ETV6: variants seen among roughly 807,000 people sequenced by gnomAD.
ETV6 encodes the protein transcription factor ETV6.
In ETV6, 16 loss-of-function variants were observed where a neutral mutation model predicts 51.1. The observed-to-expected ratio is 0.31, with a 90% CI of 0.21 to 0.48. The LOEUF (loss-of-function observed/expected upper bound fraction) is 0.48, where lower values mean the gene tolerates loss of function less well. ETV6 is among the 20% of genes least tolerant of loss of function. The probability of loss-of-function intolerance (pLI) is 0.99; values close to 1 mark genes in which losing one functional copy is unlikely to be tolerated. For synonymous variants in ETV6, 240 were observed against 224.1 expected (o/e 1.07, Z -0.64); for missense variants, 458 against 594.8 (o/e 0.77, Z 2.39).
At chr12:11,777,840 C>T (rs1945353708) in intron 2 of ETV6, among the ~76,000 whole-genome samples, 1 of 152,022 alleles carries the variant, frequency 6.6e-6, no homozygotes, top group Admixed American at 6.6e-5. Context: ...TCATGCCAGG[C>T]TTTACAGAAG....
chr12:11,651,487 G>C (rs1247412416), intron 1 of ETV6, among the ~76,000 whole-genome samples: 2 of 152,140 alleles, frequency 1.3e-5, no homozygotes, highest in African/African-American at 4.8e-5. Flanking sequence ...GGTGGTTTGG[G>C]CTTCTTTGTT....
intron 2 of ETV6, among the ~76,000 whole-genome samples, chr12:11,767,777 A>G (rs1382065072): frequency 6.6e-6 from 1 of 152,240 alleles, no homozygotes; most frequent in Non-Finnish European, 1.5e-5. Flanking sequence ...TTCATTGTAT[A>G]AGAGCTTGTC....
intron 2 of ETV6, among the ~76,000 whole-genome samples, chr12:11,834,927 G>C (rs1439441608): frequency 6.6e-6 from 1 of 152,162 alleles, no homozygotes; most frequent in Non-Finnish European, 1.5e-5. Flanking sequence ...GGCCTGCCCA[G>C]AATCAAATGT....
At chr12:11,865,843 C>T (rs2136528573) in intron 4 of ETV6, among the ~76,000 whole-genome samples, 1 of 151,480 alleles carries the variant, frequency 6.6e-6, no homozygotes, top group African/African-American at 2.4e-5. Flanking sequence ...CTATGGTGTA[C>T]CTGGGTGTGG....
At chr12:11,867,176 T>C (rs1368473968) in intron 4 of ETV6, among the ~76,000 whole-genome samples, 1 of 152,248 alleles carries the variant, frequency 6.6e-6, no homozygotes, top group South Asian at 2.1e-4. Flanking sequence ...TTCTTTCATT[T>C]CTACCCGTAA....
chr12:11,777,654 G>A (rs749685602), intron 2 of ETV6, among the ~76,000 whole-genome samples: 3 of 152,076 alleles, frequency 2.0e-5, no homozygotes, highest in African/African-American at 7.2e-5. Context: ...TGCACCAGCT[G>A]TACTGGGCCT....
At chr12:11,736,476 C>T (rs1358431381) in intron 1 of ETV6, among the ~76,000 whole-genome samples, 1 of 152,152 alleles carries the variant, frequency 6.6e-6, no homozygotes, top group African/African-American at 2.4e-5. Flanking sequence ...TGATCAGGTA[C>T]AAGAAACGGC....
chr12:11,667,532 A>C (rs200318800), intron 1 of ETV6, among the ~76,000 whole-genome samples: 2 of 8,276 alleles, frequency 2.4e-4, no homozygotes, highest in Admixed American at 4.9e-3. Context: ...CTGGTGGTTT[A>C]TTTTCTTTTT....
chr12:11,783,060 A>G (rs1466311297), intron 2 of ETV6, among the ~76,000 whole-genome samples: 1 of 152,216 alleles, frequency 6.6e-6, no homozygotes, highest in Non-Finnish European at 1.5e-5. Flanking sequence ...AAGCAGTGTC[A>G]GAGAGATGGA....
chr12:11,880,800 T>C (rs1398623192), intron 5 of ETV6, among the ~76,000 whole-genome samples: 5 of 151,752 alleles, frequency 3.3e-5, no homozygotes, highest in Non-Finnish European at 5.9e-5. Flanking sequence ...ATGAACACAC[T>C]AGAAAATCAC....
intron 4 of ETV6, among the ~76,000 whole-genome samples, chr12:11,854,623 T>C (rs1946604437): frequency 6.6e-6 from 1 of 152,242 alleles, no homozygotes; most frequent in Admixed American, 6.5e-5. Flanking sequence ...GCCATCACCC[T>C]TGCCTTCACA....
intron 1 of ETV6, among the ~76,000 whole-genome samples, chr12:11,722,868 C>G (rs1354765295): frequency 6.6e-6 from 1 of 152,212 alleles, no homozygotes; most frequent in African/African-American, 2.4e-5. Flanking sequence ...TGGTGTTCCT[C>G]AGAATCACCT....
chr12:11,689,913 T>C (rs558487848), intron 1 of ETV6, among the ~76,000 whole-genome samples: 1 of 150,794 alleles, frequency 6.6e-6, no homozygotes, highest in Non-Finnish European at 1.5e-5. Context: ...ATCTGCTTAG[T>C]ATAACTTCTA....
intron 2 of ETV6, among the ~76,000 whole-genome samples, chr12:11,812,458 C>G (rs923561954): frequency 6.6e-6 from 1 of 152,194 alleles, no homozygotes; most frequent in African/African-American, 2.4e-5. Flanking sequence ...CACTCCTCCC[C>G]CTGTGCTCAC....
At chr12:11,866,205 T>C (rs1467499537) in intron 4 of ETV6, among the ~76,000 whole-genome samples, 1 of 152,214 alleles carries the variant, frequency 6.6e-6, no homozygotes, top group Non-Finnish European at 1.5e-5. Context: ...TGCCTTTTTT[T>C]TTAATTCCAT....
At chr12:11,708,853 G>T (rs1263608702) in intron 1 of ETV6, among the ~76,000 whole-genome samples, 1 of 152,202 alleles carries the variant, frequency 6.6e-6, no homozygotes, top group African/African-American at 2.4e-5. Flanking sequence ...CTCAGACCCT[G>T]TGGGAGAGTA....
intron 4 of ETV6, among the ~76,000 whole-genome samples, chr12:11,860,255 A>G (rs2723803): frequency 0.4 from 60,224 of 152,088 alleles, 14,273 homozygotes; most frequent in South Asian, 0.6. Context: ...TCTTGCTGGA[A>G]TCGTGTTGAT....
In ETV6 at chr12:11,880,072, G is replaced by C. The variant is rs1038164609; in HGVS notation, c.1010-4373G>C. On this transcript the variant is annotated intron_variant, in intron 5 of 7. Transcript: ENST00000396373. ...AAAAAGGAAAAAAAATCTATTGTGT[G>C]GTCAGGCAGTTATTTTTATCATCTA... Among the ~76,000 whole-genome samples, 16 of 149,786 alleles carry C rather than the reference G, an allele frequency of 1.1e-4. No individual in the cohort carries two copies. The South Asian group carries it at 2.1e-3, about 20-fold the overall frequency.
chr12:11,761,800 C>G (rs760594944), intron 2 of ETV6, among the ~76,000 whole-genome samples: 3 of 152,210 alleles, frequency 2.0e-5, no homozygotes, highest in African/African-American at 7.2e-5. Context: ...AGTGAAATGG[C>G]CTGAGTATAT....
Sources: allele counts gnomAD v4.1 joint callset (sites outside exome capture counted in the v4.1 genomes callset), GRCh38; gene constraint gnomAD v4.1.1; transcripts MANE v1.5; gene names NCBI Gene and HGNC (gene_info 2026-07-23, HGNC 2026-07-21).